The following ATN1 variants were observed in gnomAD, a reference collection of about 807,000 sequenced individuals.
The protein encoded by ATN1 is atrophin 1.
In ATN1, 19 loss-of-function variants were observed where a neutral mutation model predicts 85.8. The observed-to-expected ratio is 0.22, with a 90% confidence interval of 0.15 to 0.32. The LOEUF is 0.32. Among genes scored for constraint, ATN1 ranks in the 10% least tolerant of loss-of-function variants. The pLI is 1.00. For synonymous variants in ATN1, 674 were observed against 657.0 expected, an observed-to-expected ratio of 1.03 and a Z score of -0.39; for missense variants, 1,453 against 1,564.5, an observed-to-expected ratio of 0.93 and a Z score of 1.20.
Position 6,934,011 on chromosome 12 carries a change from C to A in ATN1, c.10C>A (p.Arg4=), listed in dbSNP as rs1555143286. The change falls in exon 2 of 10, where the codon CGA becomes AGA. Residue 4 remains arginine (R), a synonymous_variant. Transcript: ENST00000396684. This position sits in a 1 kb window ranked among gnomAD's most constrained non-coding sequence, Gnocchi z 4.5. Reference sequence around the variant, plus strand: ...CTCCACAGCCTGAAGAATGAAGACACGACAGAATAAAGACTCGGTGAGTTA... The same window carrying A: ...CTCCACAGCCTGAAGAATGAAGACAAGACAGAATAAAGACTCGGTGAGTTA... The part of the protein sequence containing the change: MKT[R]QNKDSMSMRS... 1.9e-6 allele frequency: 3 copies of A among 1,606,466 alleles called. No homozygotes were observed. The highest frequency in any genetic ancestry group is 2.5e-6 in the Non-Finnish European group (3 of 1,176,736).
At chr12:6,938,189 A>C (rs1481818135) in intron 6 of ATN1, 122 bp downstream of exon 6, 2 of 1,436,362 alleles carry the variant, frequency 1.4e-6, no homozygotes, top group Non-Finnish European at 1.8e-6. Context: ...TCACGTCGCC[A>C]CCTGTCGGAG....
At position 6,941,715 on chromosome 12, in the gene ATN1, T is replaced by C. The variant is rs189239880; in HGVS notation, c.3540-32T>C. ...AGGTCAGAGTTGGTCTCAAGTCTCT[T>C]ACCTCTCTGCTATGCACTGCCCCTT... is the stretch of plus-strand genomic sequence containing the variant. On this transcript the variant is annotated intron_variant, in intron 9 of 9. Coordinates refer to ENST00000396684, the MANE Select transcript of ATN1 (RefSeq NM_001940.4). The surrounding 1 kb of genome is among the most constrained non-coding windows in gnomAD (Gnocchi z 5.9). 11 of 1,612,472 alleles carry C rather than the reference T, an allele frequency of 6.8e-6. No homozygotes were observed. In the East Asian group the frequency reaches 1.1e-4, roughly 16 times the overall value.
At position 6,941,846 on chromosome 12, in the gene ATN1, A is replaced by C. The variant is rs1591668860; in HGVS notation, c.*66A>C. On this transcript the variant is annotated 3_prime_UTR_variant, in exon 10 of 10. Coordinates refer to ENST00000396684, the MANE Select transcript of ATN1 (RefSeq NM_001940.4). This position sits in a 1 kb window ranked among gnomAD's most constrained non-coding sequence, Gnocchi z 5.9. ...CTTGGAGCACCCCCACCCTCCCCCC[A>C]CCGTGCCCTTGGCCTGCCACCCAGA... 7 of 1,539,718 alleles carry C rather than the reference A, an allele frequency of 4.5e-6. No individual in the cohort carries two copies. Among genetic ancestry groups the C allele is most frequent in the Non-Finnish European group, 6.3e-6 (7 of 1,113,464 alleles).
intron 1 of ATN1, among the ~76,000 whole-genome samples, chr12:6,929,828 ATGT>A (rs2138202148): frequency 6.6e-6 from 1 of 152,152 alleles, no homozygotes; most frequent in East Asian, 1.9e-4. Flanking sequence ...CTCCCTTATT[ATGT>A]TATTTTTTGT....
At chr12:6,933,723 C>A in intron 1 of ATN1, 117 bp from the exon 2 acceptor site, 1 of 544,552 alleles carries the variant, frequency 1.8e-6, no homozygotes, top group Non-Finnish European at 3.3e-6. Flanking sequence ...GGTATCTGTA[C>A]CTCTTGGCCC....
chr12:6,941,141 T>A lies in ATN1; in HGVS notation c.3358+118T>A, dbSNP rs1051824573. ...GGGATGAGGAGGTGCCTAGAGGAGCTGGGCATGGGAATAGGAGAGCTGGAG... is the reference window on the plus strand; with the variant it reads ...GGGATGAGGAGGTGCCTAGAGGAGCAGGGCATGGGAATAGGAGAGCTGGAG... On this transcript the variant is annotated intron_variant, in intron 8 of 9. Coordinates refer to ENST00000396684, the MANE Select transcript of ATN1 (RefSeq NM_001940.4). This position sits in a 1 kb window ranked among gnomAD's most constrained non-coding sequence, Gnocchi z 5.9. 10 of 1,363,580 alleles carry A rather than the reference T, an allele frequency of 7.3e-6. No homozygotes were observed. The African/African-American group carries it at 1.3e-4, about 18-fold the overall frequency. 84.5% of individuals were successfully genotyped at this position (1,363,580 alleles called of 1,614,324 possible).
Position 6,934,053 on chromosome 12 carries a change from A to G in ATN1, c.27+25A>G, listed in dbSNP as rs782462610. ...GGTGAGTTAAAATGAGAGACATGAA[A>G]GATGAGGGGCGGGGCAGGCAAGCTA... On this transcript the variant is annotated intron_variant, in intron 2 of 9. Transcript: ENST00000396684. The surrounding 1 kb of genome is among the most constrained non-coding windows in gnomAD (Gnocchi z 4.5). 6.2e-7 allele frequency: 1 copy of G among 1,610,964 alleles called. No homozygotes were observed. The highest frequency in any genetic ancestry group is 1.1e-5 in the South Asian group (1 of 90,548).
In ATN1 at chr12:6,937,045, G is replaced by A. The variant is rs782738462; in HGVS notation, c.1778G>A (p.Gly593Asp). Residue 593 changes from glycine to aspartate, a missense_variant, in exon 5 of 10, where the codon GGC becomes GAC. Gly to Asp is a moderately conservative substitution (Grantham distance 94). Around this residue, in one of 6 missense-constraint regions of ATN1, gnomAD observed 990 missense variants for 914.8 expected, o/e 1.08. Transcript: ENST00000396684. This position sits in a 1 kb window ranked among gnomAD's most constrained non-coding sequence, Gnocchi z 6.0. ...TGTTCACACCCCTCCCCTTCCCAGG[G>A]CCCTCAAGGGGCGCCCTACCCTTTC... ...YPCSHPSPSQ[G>D]PQGAPYPFPP... 1.9e-6 allele frequency: 3 copies of A among 1,613,722 alleles called. No individual in the cohort carries two copies. The Admixed American group carries it at 5.0e-5, about 27-fold the overall frequency.
At position 6,941,571 on chromosome 12, in the gene ATN1, C is replaced by T; in HGVS notation, c.3539+17C>T. ...CTACTACAGGTACCCTAGGGTGCCCCAGCCCAGGGGACATGGGCTCAGCGA... is the reference window on the plus strand; with the variant it reads ...CTACTACAGGTACCCTAGGGTGCCCTAGCCCAGGGGACATGGGCTCAGCGA... On this transcript the variant is annotated intron_variant, in intron 9 of 9. Transcript: ENST00000396684. This position sits in a 1 kb window ranked among gnomAD's most constrained non-coding sequence, Gnocchi z 5.9. The T allele has an allele frequency of 5.6e-6, 9 of 1,612,356 alleles. No homozygotes were observed. Among genetic ancestry groups the T allele is most frequent in the Non-Finnish European group, 7.6e-6 (9 of 1,179,482 alleles).
At chr12:6,938,127 G>A in intron 6 of ATN1, 60 bp downstream of exon 6, 2 of 1,482,102 alleles carry the variant, frequency 1.3e-6, no homozygotes, top group Non-Finnish European at 1.8e-6. Context: ...TTCCCTCTGC[G>A]CTGCGCTGCG....
chr12:6,928,624 T>G (rs1591658084), intron 1 of ATN1, among the ~76,000 whole-genome samples: 1 of 149,160 alleles, frequency 6.7e-6, no homozygotes, highest in African/African-American at 2.5e-5. Context: ...ATCGGGAAGG[T>G]GGGGAAGGAG....
chr12:6,937,387 C>G lies in ATN1; in HGVS notation c.2120C>G (p.Ser707Trp). Reference protein sequence around the residue: ...LPPAGPSGLPSLPPPPAAPAS... With the variant: ...LPPAGPSGLPWLPPPPAAPAS... The stretch of plus-strand genomic sequence containing the variant: ...CCTGCGGGGCCCTCAGGCCTGCCAT[C>G]GCTGCCACCACCACCTGCGGCCCCT... Residue 707 changes from serine (S) to tryptophan (W), a missense_variant, in exon 5 of 10, where the codon TCG (serine) becomes TGG (tryptophan). Coordinates refer to ENST00000396684, the MANE Select transcript of ATN1 (RefSeq NM_001940.4). The surrounding 1 kb of genome is among the most constrained non-coding windows in gnomAD (Gnocchi z 6.0). 6.5e-7 allele frequency: 1 copy of G among 1,549,274 alleles called. No homozygotes were observed. Among genetic ancestry groups the G allele is most frequent in the East Asian group, 2.4e-5 (1 of 40,954 alleles).
In ATN1 at chr12:6,933,999, A is replaced by G. The variant is rs2138208385; in HGVS notation, c.-3A>G. On this transcript the variant is annotated 5_prime_UTR_variant, in exon 2 of 10. Transcript: ENST00000396684. ...GGAGAATGGGGTCTCCACAGCCTGA[A>G]GAATGAAGACACGACAGAATAAAGA... is the stretch of plus-strand genomic sequence containing the variant. 1 of 1,604,868 alleles carries G rather than the reference A, an allele frequency of 6.2e-7. No homozygotes were observed. Among genetic ancestry groups the G allele is most frequent in the African/African-American group, 1.3e-5 (1 of 74,988 alleles).
chr12:6,934,361 T>C lies in ATN1; in HGVS notation c.165+48T>C. 6.3e-7 allele frequency: 1 copy of C among 1,590,620 alleles called. No individual in the cohort carries two copies. Among genetic ancestry groups the C allele is most frequent in the Non-Finnish European group, 8.6e-7 (1 of 1,168,548 alleles). On this transcript the variant is annotated intron_variant, in intron 3 of 9. Transcript: ENST00000396684. The surrounding 1 kb of genome is among the most constrained non-coding windows in gnomAD (Gnocchi z 4.5). The stretch of plus-strand genomic sequence containing the variant: ...CACAGGATGCCCAAGGCACTGGGGC[T>C]GAGGGTGTGTGTGTGTTGTGGGGGA...
At chr12:6,939,710 C>T (rs1945608825) in intron 7 of ATN1, among the ~76,000 whole-genome samples, 1 of 152,140 alleles carries the variant, frequency 6.6e-6, no homozygotes, top group South Asian at 2.1e-4. Flanking sequence ...CCATGTTGGC[C>T]ATGGCTGGTC....
chr12:6,934,459 T>C lies in ATN1; in HGVS notation c.166-6T>C. ...AAGACAGGAATTTTCTCTTTCTCTC[T>C]AACAGAAGGCCCGAGTAGAGGAAGC... On this transcript the variant is annotated splice_polypyrimidine_tract_variant and splice_region_variant and intron_variant, in intron 3 of 9. Transcript: ENST00000396684. This position sits in a 1 kb window ranked among gnomAD's most constrained non-coding sequence, Gnocchi z 4.5. The C allele has an allele frequency of 6.3e-7, 1 of 1,594,036 alleles. No individual in the cohort carries two copies. The highest frequency in any genetic ancestry group is 8.5e-7 in the Non-Finnish European group (1 of 1,169,782).
At chr12:6,925,121 T>TGTGTGTGTGTGTGTGTGG (rs1945386649), upstream of ATN1, among the ~76,000 whole-genome samples, 1 of 145,120 alleles carries the variant, frequency 6.9e-6, no homozygotes, top group African/African-American at 2.8e-5. Context: ...CGTGTGCGTG[T>TGTGTGTGTGTGTGTGTGG]GTGTGTGTGT....
intron 6 of ATN1, 54 bp downstream of exon 6, chr12:6,938,121 C>G (rs1257193338): frequency 6.7e-7 from 1 of 1,496,748 alleles, no homozygotes; most frequent in Non-Finnish European, 8.9e-7. Context: ...CCTTCCTTCC[C>G]TCTGCGCTGC....
intron 1 of ATN1, among the ~76,000 whole-genome samples, chr12:6,932,841 A>G (rs1432276554): frequency 6.6e-6 from 1 of 152,212 alleles, no homozygotes; most frequent in Non-Finnish European, 1.5e-5. Flanking sequence ...GTTCCTTTGT[A>G]TTATAGAATG....
Sources: gnomAD v4.1 joint callset for allele counts (sites outside exome capture counted in the v4.1 genomes callset) on GRCh38, gnomAD v4.1.1 for gene constraint, gnomAD v4.1.1 regional missense constraint, Gnocchi (gnomAD v3.1) non-coding constraint, MANE v1.5 for transcripts, NCBI Gene and HGNC (gene_info 2026-07-23, HGNC 2026-07-21) for gene names.